Variants in OLFML2A observed in about 807,000 individuals in gnomAD.
OLFML2A encodes olfactomedin-like protein 2A.
Under a neutral mutation model 60.9 loss-of-function variants are expected in OLFML2A, and 47 were observed. The observed-to-expected ratio is 0.77, with a 90% CI of 0.61 to 0.98. The LOEUF (loss-of-function observed/expected upper bound fraction) is 0.98. Among genes scored for constraint, OLFML2A ranks in the 50% least tolerant of loss-of-function variants. The pLI is 0.00. For synonymous variants in OLFML2A, 372 were observed against 375.0 expected, an observed-to-expected ratio of 0.99 and a Z score of 0.09; for missense variants, 922 against 879.8, an observed-to-expected ratio of 1.05 and a Z score of -0.61.
chr9:124,809,935 C>G lies in OLFML2A; in HGVS notation c.1482C>G (p.Arg494=), dbSNP rs768157344. The change falls in exon 8 of 8, where the codon CGC becomes CGG. Residue 494 remains arginine, a synonymous_variant. Transcript: ENST00000373580. ...TCATCAAGTACGACCTACGGCAGCG[C>G]TTCGTGGCCTCCTGGGCGCTGCTGC... ...KNIIKYDLRQ[R]FVASWALLPD... is the part of the protein sequence containing the mutation. 2 of 1,614,196 alleles carry G rather than the reference C, an allele frequency of 1.2e-6. No individual in the cohort carries two copies. The highest frequency in any genetic ancestry group is 1.3e-5 in the African/African-American group (1 of 75,052).
intron 6 of OLFML2A, among the ~76,000 whole-genome samples, chr9:124,806,475 C>T (rs773070900): frequency 2.0e-5 from 3 of 150,356 alleles, no homozygotes; most frequent in Non-Finnish European, 4.4e-5. Context: ...TGAACTTATT[C>T]CTGTTGTCTA....
rs925711263 is a variant in OLFML2A, at chr9:124,787,321, T to A, written c.354+83T>A. 9.0e-6 allele frequency: 12 copies of A among 1,334,266 alleles called. No homozygotes were observed. The African/African-American group carries it at 1.0e-4, about 11-fold the overall frequency. The allele number at this position is 1,334,266 out of a possible 1,614,324, so 82.7% of individuals were successfully genotyped here. ...TCCTGCCAGTGAAAATTCCACACAC[T>A]CTGTGAGGCGAGTGGTGTTACTGCC... is the stretch of plus-strand genomic sequence containing the variant. On this transcript the variant is annotated intron_variant, in intron 2 of 7. Coordinates refer to ENST00000373580, the MANE Select transcript of OLFML2A (RefSeq NM_182487.4).
chr9:124,798,727 A>C (rs1028384407), intron 3 of OLFML2A, among the ~76,000 whole-genome samples: 2 of 121,366 alleles, frequency 1.6e-5, no homozygotes, highest in African/African-American at 7.8e-5. Context: ...CCAGCTACTC[A>C]AAAAAAAAAA....
At chr9:124,792,963 CA>C (rs2131258259) in intron 2 of OLFML2A, among the ~76,000 whole-genome samples, 1 of 152,368 alleles carries the variant, frequency 6.6e-6, no homozygotes, top group East Asian at 1.9e-4. Context: ...GCAGAGAAGC[CA>C]CTGAGCCTAT....
chr9:124,806,191 AAAAG>A (rs1841894956), intron 6 of OLFML2A, among the ~76,000 whole-genome samples: 1 of 152,144 alleles, frequency 6.6e-6, no homozygotes, highest in Non-Finnish European at 1.5e-5. Context: ...AGTAAAATAA[AAAAG>A]AAAAACCAAA....
rs756385611 is a variant in OLFML2A, at chr9:124,795,001, A to G, written c.355-23A>G. 1.6e-5 allele frequency: 23 copies of G among 1,469,394 alleles called. No homozygotes were observed. In the South Asian group the frequency reaches 2.0e-4, roughly 13 times the overall value. The allele number at this position is 1,469,394 out of a possible 1,614,324, so 91.0% of individuals were successfully genotyped here. ...CGGCCATGTGCTGCACTCTTTGCCT[A>G]ACCATCCCCCTTCCCCGGGCAGCTG... is the stretch of plus-strand genomic sequence containing the variant. On this transcript the variant is annotated intron_variant, in intron 2 of 7. Transcript: ENST00000373580.
Position 124,810,565 on chromosome 9 carries a change from C to A in OLFML2A, c.*153C>A. On this transcript the variant is annotated 3_prime_UTR_variant, in exon 8 of 8. Transcript: ENST00000373580. ...GGTCACCAGGATTGAGCTTCCTCAG[C>A]ACCCAGTGGGTAATACTTGCTTCCA... is the stretch of plus-strand genomic sequence containing the variant. 1.4e-6 allele frequency: 1 copy of A among 716,536 alleles called. No individual in the cohort carries two copies. The highest frequency in any genetic ancestry group is 2.3e-6 in the Non-Finnish European group (1 of 443,170). The allele number at this position is 716,536 out of a possible 1,614,324, so 44.4% of individuals were successfully genotyped here.
At chr9:124,784,290 G>A (rs771131180) in intron 1 of OLFML2A, among the ~76,000 whole-genome samples, 2 of 150,824 alleles carry the variant, frequency 1.3e-5, no homozygotes, top group African/African-American at 2.4e-5. Context: ...TGCAATCTCC[G>A]CCTCCCGGGT....
Position 124,801,467 on chromosome 9 carries a change from A to G in OLFML2A, c.723A>G (p.Lys241=), listed in dbSNP as rs2131270205. The G allele has an allele frequency of 6.2e-7, 1 of 1,614,132 alleles. No individual in the cohort carries two copies. Residue 241 remains lysine (K), a synonymous_variant, in exon 5 of 8, where the codon AAA becomes AAG. Transcript: ENST00000373580. The stretch of plus-strand genomic sequence containing the variant: ...TCAGCAAGTATGGCAGTGTGCAGAA[A>G]AGCTTTGCAGACAGAGGCCTCCCAA... ...KDISKYGSVQ[K]SFADRGLPKP...
intron 6 of OLFML2A, among the ~76,000 whole-genome samples, chr9:124,806,513 A>G (rs542927888): frequency 4.1e-5 from 1 of 24,370 alleles, no homozygotes; most frequent in Admixed American, 9.2e-4. Flanking sequence ...TTTAAGCAAC[A>G]TCTCCTCAAT....
In OLFML2A at chr9:124,814,093, A is replaced by G. The variant is rs1306542324; in HGVS notation, c.*3681A>G. The stretch of plus-strand genomic sequence containing the variant: ...TAGAGATGTCCAGGCCTTACATTTA[A>G]TCGGCTTTCTCTGCGGTGGGGTAGA... On this transcript the variant is annotated 3_prime_UTR_variant, in exon 8 of 8. Coordinates refer to ENST00000373580, the MANE Select transcript of OLFML2A (RefSeq NM_182487.4). 6.6e-6 allele frequency: 1 copy of G among 152,188 alleles called. No homozygotes were observed. Among genetic ancestry groups the G allele is most frequent in the Non-Finnish European group, 1.5e-5 (1 of 68,048 alleles). 9.4% of individuals were successfully genotyped at this position (152,188 alleles called of 1,614,324 possible).
intron 7 of OLFML2A, among the ~76,000 whole-genome samples, chr9:124,808,935 C>T (rs1288892172): frequency 6.6e-6 from 1 of 151,580 alleles, no homozygotes; most frequent in Non-Finnish European, 1.5e-5. Flanking sequence ...GTGGGCTGAT[C>T]ACTTCAAGTC....
chr9:124,796,329 A>C (rs1841671110), intron 3 of OLFML2A, among the ~76,000 whole-genome samples: 1 of 152,168 alleles, frequency 6.6e-6, no homozygotes, highest in Non-Finnish European at 1.5e-5. Flanking sequence ...CAGCTAGTAC[A>C]TTCCAGGCCC....
intron 1 of OLFML2A, among the ~76,000 whole-genome samples, chr9:124,785,636 G>C (rs896403760): frequency 2.0e-5 from 3 of 151,086 alleles, no homozygotes; most frequent in Non-Finnish European, 4.4e-5. Context: ...TCCTGACCTC[G>C]TGATCTGCCT....
At chr9:124,786,408 G>A (rs539592792) in intron 1 of OLFML2A, among the ~76,000 whole-genome samples, 2 of 152,004 alleles carry the variant, frequency 1.3e-5, no homozygotes, top group East Asian at 3.9e-4. Context: ...GGGCAACAGA[G>A]AGAGAGCCTG....
intron 2 of OLFML2A, among the ~76,000 whole-genome samples, chr9:124,792,617 G>A (rs1841589076): frequency 1.3e-5 from 2 of 152,304 alleles, no homozygotes; most frequent in Middle Eastern, 3.4e-3. Context: ...GCCACATGTG[G>A]GCAGTGGGGA....
chr9:124,785,482 C>T (rs1273158730), intron 1 of OLFML2A, among the ~76,000 whole-genome samples: 3 of 138,940 alleles, frequency 2.2e-5, no homozygotes, highest in African/African-American at 8.1e-5. Context: ...ACTGCAAGCT[C>T]TGCCTCCCGG....
chr9:124,783,592 G>A (rs532708445), intron 1 of OLFML2A, among the ~76,000 whole-genome samples: 1 of 152,314 alleles, frequency 6.6e-6, no homozygotes, highest in Admixed American at 6.5e-5. Flanking sequence ...GAAAGCCCAT[G>A]TTACAGATGA....
intron 5 of OLFML2A, among the ~76,000 whole-genome samples, chr9:124,802,292 T>TC: frequency 6.6e-6 from 1 of 152,302 alleles, no homozygotes; most frequent in Admixed American, 6.5e-5. Flanking sequence ...GGTTCTTGAT[T>TC]CCCCCACTAA....
Sources: allele counts gnomAD v4.1 joint callset (sites outside exome capture counted in the v4.1 genomes callset), GRCh38; gene constraint gnomAD v4.1.1; transcripts MANE v1.5; gene names NCBI Gene and HGNC (gene_info 2026-07-23, HGNC 2026-07-21).